LCP2: variants seen among roughly 807,000 people sequenced by gnomAD.
LCP2 encodes 76 kDa tyrosine phosphoprotein.
In LCP2, 29 loss-of-function variants were observed where a neutral mutation model predicts 74.5. The ratio of observed to expected loss-of-function variants is 0.39; its 90% CI spans 0.29 to 0.53. LCP2 has a LOEUF of 0.53. Among genes scored for constraint, LCP2 ranks in the 20% least tolerant of loss-of-function variants. The pLI is 0.72. For missense variants in LCP2, 604 were observed against 634.6 expected (o/e 0.95, Z 0.52); for synonymous variants, 228 against 229.5 (o/e 0.99, Z 0.06).
In LCP2 at chr5:170,246,781, C is replaced by T. The variant is rs1761308257; in HGVS notation, c.*1916G>A. 6.6e-6 allele frequency: 1 copy of T among 152,274 alleles called. No homozygotes were observed. The highest frequency in any genetic ancestry group is 6.5e-5 in the Admixed American group (1 of 15,284). The allele number at this position is 152,274 out of a possible 1,614,324, so 9.4% of individuals were successfully genotyped here. On this transcript the variant is annotated 3_prime_UTR_variant, in exon 21 of 21. Coordinates refer to ENST00000046794, the MANE Select transcript of LCP2 (RefSeq NM_005565.5). ...TGAGCAGGGTTCTGAGCAACTGTGA[C>T]TGATGCACCTGGGGTCATATAGAAG... is the stretch of plus-strand genomic sequence containing the variant.
At position 170,276,940 on chromosome 5, in the gene LCP2, G is replaced by C. The variant is rs137867625; in HGVS notation, c.189-1080C>G. 1.9e-3 allele frequency among the ~76,000 whole-genome samples: 288 copies of C among 152,068 alleles called. 1 individual carries two copies. Among genetic ancestry groups the C allele is most frequent in the African/African-American group, 6.5e-3 (270 of 41,444 alleles). On this transcript the variant is annotated intron_variant, in intron 3 of 20. Coordinates refer to ENST00000046794, the MANE Select transcript of LCP2 (RefSeq NM_005565.5). ...AAAATACAAAAAAAAGCTGGGCATG[G>C]TGGCACGTGCCTGTGGTCCCAGCTA...
At chr5:170,265,505 C>T (rs1036992698) in intron 10 of LCP2, among the ~76,000 whole-genome samples, 1 of 152,030 alleles carries the variant, frequency 6.6e-6, no homozygotes, top group Admixed American at 6.6e-5. Context: ...GAGGTGATTG[C>T]GAAGGATTTG....
chr5:170,265,008 G>A (rs1211941189), intron 10 of LCP2, among the ~76,000 whole-genome samples: 2 of 105,892 alleles, frequency 1.9e-5, no homozygotes, highest in African/African-American at 4.1e-5. Flanking sequence ...TTTTTTTTGA[G>A]ACAGAGTCTC....
chr5:170,278,620 C>G (rs974732128), intron 3 of LCP2, among the ~76,000 whole-genome samples: 2 of 152,024 alleles, frequency 1.3e-5, no homozygotes, highest in Non-Finnish European at 2.9e-5. Flanking sequence ...GACTGAGGCT[C>G]ACCTCAACGC....
chr5:170,287,355 G>A (rs10060588), intron 3 of LCP2, among the ~76,000 whole-genome samples: 6,294 of 152,236 alleles, frequency 0.041, 425 homozygotes, highest in African/African-American at 0.14. Flanking sequence ...TATAGCACCT[G>A]CCTGGCTCCT....
At chr5:170,271,159 C>T (rs1285141986) in intron 6 of LCP2, among the ~76,000 whole-genome samples, 1 of 152,118 alleles carries the variant, frequency 6.6e-6, no homozygotes, top group Non-Finnish European at 1.5e-5. Context: ...TTACACAACA[C>T]CTTTCTGCAC....
intron 14 of LCP2, among the ~76,000 whole-genome samples, chr5:170,260,319 C>T (rs1001623482): frequency 6.6e-6 from 1 of 152,184 alleles, no homozygotes; most frequent in Non-Finnish European, 1.5e-5. Context: ...CAGCATCTAG[C>T]ACAGAGCTGC....
intron 6 of LCP2, among the ~76,000 whole-genome samples, chr5:170,272,597 C>CT (rs61463939): frequency 0.012 from 485 of 40,316 alleles, 123 homozygotes; most frequent in East Asian, 0.049. Flanking sequence ...CAAATATTTT[C>CT]TTTTTTTTTT....
At chr5:170,267,801 A>G (rs1373609958) in intron 8 of LCP2, among the ~76,000 whole-genome samples, 1 of 152,162 alleles carries the variant, frequency 6.6e-6, no homozygotes, top group Non-Finnish European at 1.5e-5. Flanking sequence ...TGATTAAATA[A>G]GTGAATCCTG....
intron 1 of LCP2, 23 bp downstream of exon 1, chr5:170,297,511 A>C (rs745414651): frequency 1.2e-6 from 2 of 1,606,194 alleles, no homozygotes; most frequent in South Asian, 2.2e-5. Flanking sequence ...CATCATGACC[A>C]TTCACACAAG....
At chr5:170,294,896 C>T (rs964387034) in intron 1 of LCP2, among the ~76,000 whole-genome samples, 1 of 152,218 alleles carries the variant, frequency 6.6e-6, no homozygotes, top group Non-Finnish European at 1.5e-5. Context: ...GACTGGGACC[C>T]AGGCATTTGA....
In LCP2 at chr5:170,256,637, G is replaced by A. The variant is rs990753182; in HGVS notation, c.1101-62C>T. 1.7e-6 allele frequency: 2 copies of A among 1,211,354 alleles called. No homozygotes were observed. The highest frequency in any genetic ancestry group is 1.7e-5 in the Admixed American group (1 of 59,190). The allele number at this position is 1,211,354 out of a possible 1,614,324, so 75.0% of individuals were successfully genotyped here. On this transcript the variant is annotated intron_variant, in intron 16 of 20. Transcript: ENST00000046794. The surrounding 1 kb of genome is among the most constrained non-coding windows in gnomAD (Gnocchi z 4.5). ...TGGGGTGATGGGGCCAGACAGGGGAGCTGGGTTAGGGAAGCCAGGCTGCAA... is the reference window on the plus strand; with the variant it reads ...TGGGGTGATGGGGCCAGACAGGGGAACTGGGTTAGGGAAGCCAGGCTGCAA...
chr5:170,271,241 C>T (rs972044740), intron 6 of LCP2, among the ~76,000 whole-genome samples: 16 of 152,174 alleles, frequency 1.1e-4, no homozygotes, highest in African/African-American at 3.6e-4. Flanking sequence ...TGAGTAAACA[C>T]ATTTTTTGCT....
intron 14 of LCP2, 23 bp from the exon 15 acceptor site, chr5:170,258,901 AG>A (rs1761607433): frequency 6.5e-7 from 1 of 1,542,498 alleles, no homozygotes. Context: ...AGAAAAAAAA[AG>A]ATATTAAGCT....
intron 10 of LCP2, 92 bp from the exon 11 acceptor site, chr5:170,263,084 C>T: frequency 6.9e-7 from 1 of 1,459,490 alleles, no homozygotes; most frequent in Non-Finnish European, 9.5e-7. Context: ...TGAGTCTGAA[C>T]CCTCTTGGGG....
chr5:170,264,737 C>T (rs569910041), intron 10 of LCP2, among the ~76,000 whole-genome samples: 7 of 151,778 alleles, frequency 4.6e-5, no homozygotes, highest in Non-Finnish European at 1.0e-4. Flanking sequence ...AGTTTGAGGC[C>T]GTAACGAGCT....
In LCP2 at chr5:170,252,425, G is replaced by A; in HGVS notation, c.1323+9C>T. 1 of 1,494,412 alleles carries A rather than the reference G, an allele frequency of 6.7e-7. No individual in the cohort carries two copies. The highest frequency in any genetic ancestry group is 9.3e-7 in the Non-Finnish European group (1 of 1,079,056). The allele number at this position is 1,494,412 out of a possible 1,614,324, so 92.6% of individuals were successfully genotyped here. On this transcript the variant is annotated intron_variant, in intron 19 of 20. Coordinates refer to ENST00000046794, the MANE Select transcript of LCP2 (RefSeq NM_005565.5). ...TACAACTATGTTAAAATAAACTATAGCACAATACCTGGTTTATCTTTCTAA... is the reference window on the plus strand; with the variant it reads ...TACAACTATGTTAAAATAAACTATAACACAATACCTGGTTTATCTTTCTAA...
intron 6 of LCP2, among the ~76,000 whole-genome samples, chr5:170,271,457 G>A (rs1761896451): frequency 6.6e-6 from 1 of 152,282 alleles, no homozygotes; most frequent in Middle Eastern, 3.4e-3. Context: ...GGAGGGGACC[G>A]TCAGAGGCTG....
chr5:170,252,225 C>A (rs972350017), intron 19 of LCP2: 1 of 385,728 alleles, frequency 2.6e-6, no homozygotes, highest in Non-Finnish European at 4.7e-6. Context: ...CCTTGAGATT[C>A]TTCTGCCAGC....
Sources: allele counts gnomAD v4.1 joint callset (sites outside exome capture counted in the v4.1 genomes callset), GRCh38; gene constraint gnomAD v4.1.1; non-coding constraint Gnocchi (gnomAD v3.1); transcripts MANE v1.5; gene names NCBI Gene and HGNC (gene_info 2026-07-23, HGNC 2026-07-21).